RSPO3: variants seen among roughly 807,000 people sequenced by gnomAD.
RSPO3 encodes the protein R-spondin 3, also known as R-spondin-3.
In RSPO3, 17 loss-of-function variants were observed where a neutral mutation model predicts 36.5. The ratio of observed to expected loss-of-function variants is 0.47; its 90% CI spans 0.32 to 0.70. The LOEUF (loss-of-function observed/expected upper bound fraction) is 0.70. Among genes scored for constraint, RSPO3 ranks in the 30% least tolerant of loss-of-function variants. RSPO3 has a pLI of 0.04. For synonymous variants in RSPO3, 108 were observed against 107.0 expected (o/e 1.01, Z -0.06); for missense variants, 294 against 322.5 (o/e 0.91, Z 0.68).
chr6:127,144,643 G>GTTTTTTTGTTTTTTTTTT (rs763226451), intron 1 of RSPO3, among the ~76,000 whole-genome samples: 3 of 99,130 alleles, frequency 3.0e-5, no homozygotes, highest in African/African-American at 4.2e-5. Flanking sequence ...GCTTCCCCTT[G>GTTTTTTTGTTTTTTTTTT]TTTTTTTTTT....
intron 4 of RSPO3, among the ~76,000 whole-genome samples, chr6:127,162,942 T>C (rs1285228188): frequency 2.6e-5 from 4 of 152,176 alleles, no homozygotes; most frequent in Non-Finnish European, 5.9e-5. Flanking sequence ...TGTGCTAATA[T>C]GTTTTTGTAA....
intron 1 of RSPO3, among the ~76,000 whole-genome samples, chr6:127,140,319 T>C (rs1444365312): frequency 6.6e-6 from 1 of 152,124 alleles, no homozygotes; most frequent in Non-Finnish European, 1.5e-5. Flanking sequence ...TTTGATAACT[T>C]TTTTACTTCT....
chr6:127,148,718 A>G lies in RSPO3; in HGVS notation c.168A>G (p.Ser56=). ...GCTCAGATTACAATGGATGTTTGTC[A>G]TGTAAGCCCAGACTATTTTTTGCTC... The part of the protein sequence containing the change: ...ATCSDYNGCL[S]CKPRLFFALE... Residue 56 remains serine (S), a synonymous_variant, in exon 2 of 5, where the codon TCA becomes TCG. Coordinates refer to ENST00000356698, the MANE Select transcript of RSPO3 (RefSeq NM_032784.5). The G allele has an allele frequency of 3.1e-6, 5 of 1,613,320 alleles. No homozygotes were observed. The highest frequency in any genetic ancestry group is 4.2e-6 in the Non-Finnish European group (5 of 1,179,458).
At chr6:127,163,580 C>G (rs1278322731) in intron 4 of RSPO3, among the ~76,000 whole-genome samples, 1 of 152,066 alleles carries the variant, frequency 6.6e-6, no homozygotes, top group African/African-American at 2.4e-5. Context: ...ACATGCCCTT[C>G]TCTTTCTATT....
At position 127,118,932 on chromosome 6, in the gene RSPO3, G is replaced by A. The variant is rs1426284124; in HGVS notation, c.-261G>A. ...CCGCCCCGGCGGCTCCTGGAACCCC[G>A]GTTCGCGGCGATGCCAGCCACCCCA... is the stretch of plus-strand genomic sequence containing the variant. On this transcript the variant is annotated 5_prime_UTR_variant, in exon 1 of 5. Coordinates refer to ENST00000356698, the MANE Select transcript of RSPO3 (RefSeq NM_032784.5). 3.5e-6 allele frequency: 1 copy of A among 284,338 alleles called. No individual in the cohort carries two copies. The highest frequency in any genetic ancestry group is 6.5e-6 in the Non-Finnish European group (1 of 154,700). The allele number at this position is 284,338 out of a possible 1,614,324, so 17.6% of individuals were successfully genotyped here.
At chr6:127,141,163 A>C (rs1442664977) in intron 1 of RSPO3, among the ~76,000 whole-genome samples, 1 of 152,110 alleles carries the variant, frequency 6.6e-6, no homozygotes, top group Non-Finnish European at 1.5e-5. Context: ...CTGTGGGTGA[A>C]ATTTTTGTTG....
At chr6:127,178,938 T>G (rs1169566401) in intron 4 of RSPO3, among the ~76,000 whole-genome samples, 1 of 151,860 alleles carries the variant, frequency 6.6e-6, no homozygotes, top group African/African-American at 2.4e-5. Flanking sequence ...AGAGAAAACA[T>G]GGGAATAAAT....
intron 4 of RSPO3, among the ~76,000 whole-genome samples, chr6:127,174,991 A>T (rs1312050813): frequency 6.6e-6 from 1 of 151,692 alleles, no homozygotes; most frequent in African/African-American, 2.4e-5. Flanking sequence ...TTTCATTTAT[A>T]TCCCTGACTT....
intron 4 of RSPO3, among the ~76,000 whole-genome samples, chr6:127,173,731 G>A (rs934911328): frequency 1.3e-5 from 2 of 151,820 alleles, no homozygotes; most frequent in African/African-American, 2.4e-5. Flanking sequence ...GTGCATGTGC[G>A]AGGAAAGCAG....
intron 4 of RSPO3, among the ~76,000 whole-genome samples, chr6:127,193,368 C>A (rs1454901274): frequency 6.6e-6 from 1 of 152,184 alleles, no homozygotes; most frequent in African/African-American, 2.4e-5. Context: ...AGAAACAATA[C>A]ATTTCTTATG....
Position 127,130,612 on chromosome 6 carries a change from CA to C in RSPO3, c.97+11324del, listed in dbSNP as rs1271781883. ...TGGAACAATGTATTTAATTTTCTTT[CA>C]TCTTAAATTGACAATAAGATAACCA... On this transcript the variant is annotated intron_variant, in intron 1 of 4. Transcript: ENST00000356698. Among the ~76,000 whole-genome samples, 6 of 152,052 alleles carry C rather than the reference CA, an allele frequency of 3.9e-5. No individual in the cohort carries two copies. In the East Asian group the frequency reaches 1.2e-3, roughly 29 times the overall value.
chr6:127,134,089 G>C (rs1165396283), intron 1 of RSPO3, among the ~76,000 whole-genome samples: 1 of 152,138 alleles, frequency 6.6e-6, no homozygotes, highest in Non-Finnish European at 1.5e-5. Context: ...CTGGGAAACA[G>C]AGACAAAGCT....
intron 1 of RSPO3, among the ~76,000 whole-genome samples, chr6:127,125,589 T>C (rs1773924091): frequency 6.6e-6 from 1 of 152,198 alleles, no homozygotes; most frequent in Admixed American, 6.5e-5. Flanking sequence ...AATAATAACT[T>C]GTCTTATTCA....
chr6:127,129,699 G>A (rs577793648), intron 1 of RSPO3, among the ~76,000 whole-genome samples: 7 of 152,058 alleles, frequency 4.6e-5, no homozygotes, highest in East Asian at 1.9e-4. Flanking sequence ...ATGGAAATAC[G>A]TCATCAGTAT....
chr6:127,178,533 G>C (rs2503324), intron 4 of RSPO3, among the ~76,000 whole-genome samples: 4,406 of 151,676 alleles, frequency 0.029, 119 homozygotes, highest in Middle Eastern at 0.12. Flanking sequence ...AACATGCTGG[G>C]TTAAGGGCCA....
At chr6:127,130,926 C>G (rs974642712) in intron 1 of RSPO3, among the ~76,000 whole-genome samples, 1 of 152,082 alleles carries the variant, frequency 6.6e-6, no homozygotes, top group African/African-American at 2.4e-5. Context: ...GCCCCTCTGA[C>G]TTTAATTCAC....
intron 4 of RSPO3, among the ~76,000 whole-genome samples, chr6:127,180,196 T>C (rs1480209347): frequency 1.3e-5 from 2 of 151,734 alleles, no homozygotes; most frequent in Non-Finnish European, 2.9e-5. Flanking sequence ...GAACTTTCCA[T>C]TGAGAAGCAA....
Position 127,197,176 on chromosome 6 carries a change from A to G in RSPO3, c.*1169A>G. 4.9e-6 allele frequency: 2 copies of G among 410,384 alleles called. No homozygotes were observed. The allele number at this position is 410,384 out of a possible 1,614,324, so 25.4% of individuals were successfully genotyped here. Reference sequence around the variant, plus strand: ...TTCAGAATATATTACATTTCTCAGTAATATTTGTTTTTTGAATCCACCTTT... The same window carrying G: ...TTCAGAATATATTACATTTCTCAGTGATATTTGTTTTTTGAATCCACCTTT... On this transcript the variant is annotated 3_prime_UTR_variant, in exon 5 of 5. Transcript: ENST00000356698.
intron 4 of RSPO3, among the ~76,000 whole-genome samples, chr6:127,181,406 A>C (rs1460524527): frequency 1.3e-5 from 2 of 151,912 alleles, no homozygotes; most frequent in Non-Finnish European, 2.9e-5. Flanking sequence ...GCAGTAGTGC[A>C]AATCATTTGT....
Sources: gnomAD v4.1 joint callset for allele counts (sites outside exome capture counted in the v4.1 genomes callset) on GRCh38, gnomAD v4.1.1 for gene constraint, MANE v1.5 for transcripts, NCBI Gene and HGNC (gene_info 2026-07-23, HGNC 2026-07-21) for gene names.